The following CTNND2 variants were observed in gnomAD, a reference collection of about 807,000 sequenced individuals.
CTNND2 encodes catenin delta 2, also known as catenin delta-2.
In CTNND2, 22 loss-of-function variants were observed where a neutral mutation model predicts 144.4. That is an observed-to-expected ratio of 0.15 (90% CI 0.11 to 0.22). The LOEUF is 0.22. Among genes scored for constraint, CTNND2 ranks in the 10% least tolerant of loss-of-function variants. The pLI is 1.00. For synonymous variants in CTNND2, 751 were observed against 695.6 expected (o/e 1.08, Z -1.25); for missense variants, 1,353 against 1,618.8 (o/e 0.84, Z 2.82).
At chr5:11,455,760 T>G (rs31954) in intron 3 of CTNND2, among the ~76,000 whole-genome samples, 1 of 152,138 alleles carries the variant, frequency 6.6e-6, no homozygotes, top group Non-Finnish European at 1.5e-5. Flanking sequence ...CTTTAGATAA[T>G]GGCAACTAAT....
At chr5:11,256,712 G>A (rs760306061) in intron 9 of CTNND2, among the ~76,000 whole-genome samples, 1 of 152,156 alleles carries the variant, frequency 6.6e-6, no homozygotes, top group African/African-American at 2.4e-5. Context: ...ACATTTACGG[G>A]ATACCAATGA....
At chr5:11,439,546 T>C (rs980770329) in intron 3 of CTNND2, among the ~76,000 whole-genome samples, 3 of 152,172 alleles carry the variant, frequency 2.0e-5, no homozygotes, top group Non-Finnish European at 4.4e-5. Context: ...ACTTTTTTCT[T>C]TTTGAAACAA....
chr5:11,381,899 G>A (rs952030198), intron 7 of CTNND2, among the ~76,000 whole-genome samples: 26 of 152,256 alleles, frequency 1.7e-4, no homozygotes, highest in African/African-American at 4.6e-4. Context: ...CCTGGGAGGC[G>A]GAGCTGATAG....
At chr5:11,429,263 C>T (rs1193696943) in intron 3 of CTNND2, among the ~76,000 whole-genome samples, 1 of 152,170 alleles carries the variant, frequency 6.6e-6, no homozygotes, top group Non-Finnish European at 1.5e-5. Flanking sequence ...AGCCCATTGC[C>T]ATATTTCATT....
At chr5:11,695,452 T>A (rs1185836662) in intron 2 of CTNND2, among the ~76,000 whole-genome samples, 1 of 152,200 alleles carries the variant, frequency 6.6e-6, no homozygotes, top group Non-Finnish European at 1.5e-5. Flanking sequence ...CTCTACAGAA[T>A]CATTAAGAAG....
chr5:11,478,498 C>T (rs1767963417), intron 3 of CTNND2, among the ~76,000 whole-genome samples: 1 of 152,154 alleles, frequency 6.6e-6, no homozygotes, highest in African/African-American at 2.4e-5. Context: ...TTTTAAGCAC[C>T]GTGTCTTCAA....
intron 3 of CTNND2, among the ~76,000 whole-genome samples, chr5:11,558,356 GTGTGTGTGTGTGTGTGTGTGTGTGTGAC>G (rs1415612786): frequency 9.8e-6 from 1 of 102,326 alleles, no homozygotes; most frequent in Non-Finnish European, 2.2e-5. Flanking sequence ...GTGTGTGTGT[GTGTGTGTGTGTGTGTGTGTGTGTGTGAC>G]ACACAAGGTC....
intron 12 of CTNND2, among the ~76,000 whole-genome samples, chr5:11,131,227 T>C (rs561639557): frequency 1.5e-4 from 23 of 152,272 alleles, no homozygotes; most frequent in African/African-American, 3.1e-4. Flanking sequence ...CTAGGAAACA[T>C]TGCAGAAGAG....
At chr5:11,778,918 T>C (rs1790396538) in intron 1 of CTNND2, among the ~76,000 whole-genome samples, 1 of 152,214 alleles carries the variant, frequency 6.6e-6, no homozygotes, top group Non-Finnish European at 1.5e-5. Flanking sequence ...ACTTAAAACT[T>C]TTCTAAGATT....
At chr5:11,242,563 TG>T (rs1742563161) in intron 9 of CTNND2, among the ~76,000 whole-genome samples, 1 of 152,172 alleles carries the variant, frequency 6.6e-6, no homozygotes, top group Non-Finnish European at 1.5e-5. Context: ...TGGCATCCAG[TG>T]GGTAGAGGCC....
intron 12 of CTNND2, among the ~76,000 whole-genome samples, chr5:11,136,788 C>A (rs2149727310): frequency 6.6e-6 from 1 of 152,350 alleles, no homozygotes; most frequent in African/African-American, 2.4e-5. Flanking sequence ...TATCGAAGCA[C>A]AAGTCCTCCA....
intron 12 of CTNND2, among the ~76,000 whole-genome samples, chr5:11,122,698 C>T (rs1754264724): frequency 6.6e-6 from 1 of 151,988 alleles, no homozygotes. Context: ...CAGGATCTGG[C>T]CTGGGTTCCT....
chr5:11,323,101 C>T (rs910771804), intron 9 of CTNND2, among the ~76,000 whole-genome samples: 3 of 152,112 alleles, frequency 2.0e-5, no homozygotes, highest in African/African-American at 7.2e-5. Flanking sequence ...TACTATGGCA[C>T]AGTCACATCT....
At chr5:11,869,474 A>G (rs1292775253) in intron 1 of CTNND2, among the ~76,000 whole-genome samples, 2 of 152,230 alleles carry the variant, frequency 1.3e-5, no homozygotes, top group Non-Finnish European at 2.9e-5. Flanking sequence ...AGCCTGATAC[A>G]AAAGGTCAAA....
At chr5:11,621,173 A>G (rs1780816424) in intron 2 of CTNND2, among the ~76,000 whole-genome samples, 1 of 152,250 alleles carries the variant, frequency 6.6e-6, no homozygotes, top group Admixed American at 6.5e-5. Context: ...TTAAAACATT[A>G]TGGAAAATAA....
intron 7 of CTNND2, among the ~76,000 whole-genome samples, chr5:11,381,480 C>G (rs1448118522): frequency 6.6e-6 from 1 of 152,202 alleles, no homozygotes; most frequent in South Asian, 2.1e-4. Flanking sequence ...CCCCCGTGGT[C>G]TCCTTGCTAC....
chr5:11,379,296 TC>T (rs1306943338), intron 7 of CTNND2, among the ~76,000 whole-genome samples: 3 of 152,186 alleles, frequency 2.0e-5, no homozygotes, highest in Non-Finnish European at 4.4e-5. Context: ...TCTACATCCT[TC>T]GTGTTTTTCT....
At chr5:11,694,538 A>G (rs1030254512) in intron 2 of CTNND2, among the ~76,000 whole-genome samples, 5 of 152,104 alleles carry the variant, frequency 3.3e-5, no homozygotes, top group African/African-American at 1.2e-4. Context: ...TGAAATGAGA[A>G]CGCAGAGTAT....
intron 1 of CTNND2, among the ~76,000 whole-genome samples, chr5:11,833,820 G>T (rs536670698): frequency 2.0e-5 from 3 of 152,104 alleles, no homozygotes; most frequent in Non-Finnish European, 2.9e-5. Context: ...CACCGTGCCC[G>T]ACTGGAACTG....
Sources: allele counts gnomAD v4.1 joint callset (sites outside exome capture counted in the v4.1 genomes callset), GRCh38; gene constraint gnomAD v4.1.1; transcripts MANE v1.5; gene names NCBI Gene and HGNC (gene_info 2026-07-23, HGNC 2026-07-21).